DPP6: variants seen among roughly 807,000 people sequenced by gnomAD.
DPP6 encodes A-type potassium channel modulatory protein DPP6.
In DPP6, 69 loss-of-function variants were observed where a neutral mutation model predicts 122.6. The ratio of observed to expected loss-of-function variants is 0.56; its 90% CI spans 0.46 to 0.69. The LOEUF is 0.69. Ranked by LOEUF, DPP6 falls within the 30% of genes least tolerant of loss-of-function variation. The pLI is 0.00. For missense variants in DPP6, 928 were observed against 1,116.9 expected, an observed-to-expected ratio of 0.83 and a Z score of 2.41; for synonymous variants, 418 against 433.1, an observed-to-expected ratio of 0.97 and a Z score of 0.43.
intron 1 of DPP6, among the ~76,000 whole-genome samples, chr7:154,077,702 C>T (rs2533691): frequency 1.3e-5 from 2 of 149,096 alleles, no homozygotes; most frequent in African/African-American, 4.9e-5. Flanking sequence ...GACAGAGTCT[C>T]ACTCTGTCAC....
intron 7 of DPP6, among the ~76,000 whole-genome samples, chr7:154,717,568 AGGATTTC>A (rs1841559695): frequency 6.6e-6 from 1 of 152,234 alleles, no homozygotes; most frequent in Non-Finnish European, 1.5e-5. Flanking sequence ...TGCAAATGAC[AGGATTTC>A]ATTCTTTTCT....
intron 3 of DPP6, among the ~76,000 whole-genome samples, chr7:154,509,399 C>G (rs1382190343): frequency 6.6e-6 from 1 of 152,268 alleles, no homozygotes; most frequent in African/African-American, 2.4e-5. Flanking sequence ...CATCGTTCAG[C>G]AGGAAAATGC....
chr7:153,774,766 A>G, the DPP6 span, among the ~76,000 whole-genome samples: 1 of 152,162 alleles, frequency 6.6e-6, no homozygotes, highest in Admixed American at 6.5e-5. Flanking sequence ...AGAGTTCAAA[A>G]CCAGCCTGGG....
intron 1 of DPP6, among the ~76,000 whole-genome samples, chr7:154,034,069 G>A (rs1469600416): frequency 6.6e-6 from 1 of 152,182 alleles, no homozygotes; most frequent in Non-Finnish European, 1.5e-5. Context: ...TCTAGTAATA[G>A]TGTTCACAGC....
chr7:154,266,612 T>C (rs1803437358), intron 1 of DPP6, among the ~76,000 whole-genome samples: 1 of 152,210 alleles, frequency 6.6e-6, no homozygotes, highest in African/African-American at 2.4e-5. Flanking sequence ...TTGTTCATTC[T>C]GTACACTTGG....
intron 1 of DPP6, among the ~76,000 whole-genome samples, chr7:154,445,363 T>C (rs1819772372): frequency 2.0e-5 from 3 of 152,228 alleles, no homozygotes; most frequent in Admixed American, 2.0e-4. Flanking sequence ...CAAGCATTCA[T>C]ATGATCCTTT....
chr7:154,017,737 AAAAAG>A (rs1209626486), intron 1 of DPP6, among the ~76,000 whole-genome samples: 1 of 150,138 alleles, frequency 6.7e-6, no homozygotes, highest in Non-Finnish European at 1.5e-5. Flanking sequence ...TAAAAAAAAA[AAAAAG>A]AAAAATATAA....
intron 3 of DPP6, among the ~76,000 whole-genome samples, chr7:154,501,251 GAA>G (rs34370522): frequency 6.6e-6 from 1 of 151,086 alleles, no homozygotes; most frequent in Admixed American, 6.6e-5. Flanking sequence ...CAACATGATA[GAA>G]AAAAAAAATC....
At chr7:154,313,034 C>G (rs1432424088) in intron 1 of DPP6, among the ~76,000 whole-genome samples, 1 of 152,066 alleles carries the variant, frequency 6.6e-6, no homozygotes, top group Non-Finnish European at 1.5e-5. Context: ...CTAGGAATTC[C>G]AAAATTATGA....
intron 1 of DPP6, among the ~76,000 whole-genome samples, chr7:154,067,522 C>A (rs569423577): frequency 6.6e-6 from 1 of 152,052 alleles, no homozygotes; most frequent in Non-Finnish European, 1.5e-5. Flanking sequence ...CCTGGAGACT[C>A]GTGCATGTGG....
intron 3 of DPP6, among the ~76,000 whole-genome samples, chr7:154,511,560 TGCAAGCAAATGAGAAA>T (rs1280917576): frequency 6.6e-6 from 1 of 152,218 alleles, no homozygotes; most frequent in Non-Finnish European, 1.5e-5. Context: ...TGTAGAAATT[TGCAAGCAAATGAGAAA>T]GCAGCTGAAA....
intron 1 of DPP6, among the ~76,000 whole-genome samples, chr7:154,231,057 G>C (rs1800890170): frequency 6.6e-6 from 1 of 152,158 alleles, no homozygotes. Flanking sequence ...GCTGCATCTA[G>C]TGACTGATTC....
chr7:154,742,520 G>A (rs1380236674), intron 8 of DPP6, among the ~76,000 whole-genome samples: 1 of 152,178 alleles, frequency 6.6e-6, no homozygotes, highest in Non-Finnish European at 1.5e-5. Flanking sequence ...TCTGGAGATA[G>A]GACCAGATCA....
chr7:153,810,671 CCTCTCTCTCTCTCTCTCT>C, the DPP6 span, among the ~76,000 whole-genome samples: 3 of 124,722 alleles, frequency 2.4e-5, no homozygotes, highest in South Asian at 2.8e-4. Flanking sequence ...CTCTCTCTCT[CCTCTCTCTCTCTCTCTCT>C]CTCTCTCTCT....
chr7:154,687,925 G>A (rs1009539583), intron 7 of DPP6, among the ~76,000 whole-genome samples: 3 of 152,196 alleles, frequency 2.0e-5, no homozygotes, highest in African/African-American at 4.8e-5. Context: ...TATTGAGAAA[G>A]TGTTCCTTTC....
Position 154,831,000 on chromosome 7 carries a change from C to T in DPP6, c.1667-22780C>T, listed in dbSNP as rs115944087. Among the ~76,000 whole-genome samples the T allele has an allele frequency of 7.3e-3, 1,114 of 152,352 alleles. 14 individuals carry two copies. The highest frequency in any genetic ancestry group is 0.025 in the African/African-American group (1,060 of 41,582). ...GAACCTTCTCCAGGATTCTCTACCACGGACTCTGTTCTTGCCTCTCACCGT... is the reference window on the plus strand; with the variant it reads ...GAACCTTCTCCAGGATTCTCTACCATGGACTCTGTTCTTGCCTCTCACCGT... On this transcript the variant is annotated intron_variant, in intron 16 of 25. Coordinates refer to ENST00000377770, the MANE Select transcript of DPP6 (RefSeq NM_130797.4).
At chr7:154,778,980 AC>A (rs1796792504) in intron 10 of DPP6, among the ~76,000 whole-genome samples, 1 of 16,186 alleles carries the variant, frequency 6.2e-5, no homozygotes, top group African/African-American at 2.2e-4. Context: ...TACCACCATC[AC>A]CTCCATCACC....
rs892119384 is a variant in DPP6 at position 154,486,013 on chromosome 7, A to G, written c.457+10976A>G. On this transcript the variant is annotated intron_variant, in intron 3 of 25. Transcript: ENST00000377770. This position sits in a 1 kb window ranked among gnomAD's most constrained non-coding sequence, Gnocchi z 4.5. ...CCTTTACTTTAGAAATAAGAAAACT[A>G]TGAGTCAAAGACACTAAATCACTTT... 6.6e-6 allele frequency among the ~76,000 whole-genome samples: 1 copy of G among 150,570 alleles called. No homozygotes were observed. Among genetic ancestry groups the G allele is most frequent in the Non-Finnish European group, 1.5e-5 (1 of 67,794 alleles).
intron 1 of DPP6, among the ~76,000 whole-genome samples, chr7:154,444,251 A>G (rs911599349): frequency 6.6e-6 from 1 of 151,832 alleles, no homozygotes; most frequent in Non-Finnish European, 1.5e-5. Flanking sequence ...AGGTCAGGAG[A>G]TTAAGACCAT....
Sources: allele counts gnomAD v4.1 joint callset (sites outside exome capture counted in the v4.1 genomes callset), GRCh38; gene constraint gnomAD v4.1.1; non-coding constraint Gnocchi (gnomAD v3.1); transcripts MANE v1.5; gene names NCBI Gene and HGNC (gene_info 2026-07-23, HGNC 2026-07-21).